The following ALG9 variants were observed in gnomAD, a reference collection of about 807,000 sequenced individuals.
ALG9 encodes the protein ALG9 alpha-1,2-mannosyltransferase.
ALG9 carries 55 observed loss-of-function variants against 81.8 expected under a neutral mutation model. The observed-to-expected ratio is 0.67, with a 90% CI of 0.54 to 0.84. The LOEUF is 0.84. Among genes scored for constraint, ALG9 ranks in the 40% least tolerant of loss-of-function variants. ALG9 has a pLI of 0.00. For synonymous variants in ALG9, 278 were observed against 274.3 expected (o/e 1.01, Z -0.13); for missense variants, 629 against 745.0 (o/e 0.84, Z 1.81).
chr11:111,799,210 G>A (rs953382604), intron 14 of ALG9, among the ~76,000 whole-genome samples: 5 of 152,050 alleles, frequency 3.3e-5, no homozygotes, highest in Non-Finnish European at 5.9e-5. Context: ...GCAGTGGTGC[G>A]ATCTCGGCTC....
downstream of ALG9, among the ~76,000 whole-genome samples, chr11:111,777,771 G>A (rs1555055721): frequency 6.6e-6 from 1 of 152,100 alleles, no homozygotes; most frequent in Non-Finnish European, 1.5e-5. Flanking sequence ...TCACTGGCAA[G>A]GAAAAAATGG....
intron 8 of ALG9, 66 bp downstream of exon 8, chr11:111,853,314 A>T: frequency 9.2e-7 from 1 of 1,084,284 alleles, no homozygotes; most frequent in Non-Finnish European, 1.4e-6. Flanking sequence ...CAACTGAATT[A>T]AAATGCTGAA....
At chr11:111,812,840 C>T (rs1438042352) in intron 13 of ALG9, among the ~76,000 whole-genome samples, 2 of 143,538 alleles carry the variant, frequency 1.4e-5, no homozygotes, top group African/African-American at 2.7e-5. Flanking sequence ...TTCTTTGAAC[C>T]CCGGAGGCAG....
At chr11:111,866,721 C>A (rs6589250) in intron 3 of ALG9, among the ~76,000 whole-genome samples, 3 of 150,980 alleles carry the variant, frequency 2.0e-5, no homozygotes, top group Non-Finnish European at 1.5e-5. Context: ...AAATAAAAAC[C>A]CTCTGCATAG....
intron 13 of ALG9, among the ~76,000 whole-genome samples, chr11:111,820,783 T>A (rs1039431321): frequency 1.3e-5 from 2 of 152,192 alleles, no homozygotes; most frequent in African/African-American, 4.8e-5. Flanking sequence ...TTTTTTACTA[T>A]AAAAAATACA....
intron 14 of ALG9, among the ~76,000 whole-genome samples, chr11:111,807,743 G>C (rs570243126): frequency 4.1e-4 from 63 of 152,194 alleles, no homozygotes; most frequent in African/African-American, 1.5e-3. Context: ...TGGGGCCGAG[G>C]TCGTGCTACT....
intron 1 of ALG9, chr11:111,870,940 C>T (rs1191709745): frequency 2.0e-6 from 2 of 1,008,966 alleles, no homozygotes; most frequent in Non-Finnish European, 2.4e-6. Context: ...GCAGTTCTAA[C>T]CTGCAGCCTC....
chr11:111,836,014 G>T (rs1955183258), intron 13 of ALG9, 151 bp downstream of exon 13: 2 of 965,964 alleles, frequency 2.1e-6, no homozygotes, highest in Admixed American at 1.9e-5. Context: ...CTCCCAAAGT[G>T]CTGGGATTAC....
chr11:111,870,229 T>C lies in ALG9; in HGVS notation c.270+3A>G. 3.1e-6 allele frequency: 5 copies of C among 1,608,098 alleles called. No individual in the cohort carries two copies. Among genetic ancestry groups the C allele is most frequent in the Non-Finnish European group, 4.2e-6 (5 of 1,178,414 alleles). The stretch of plus-strand genomic sequence containing the variant: ...AAAAGAGAAAACTAAAGAAATCACC[T>C]ACTGGCTCCCAGTAGTTGAATGTTT... On this transcript the variant is annotated splice_donor_region_variant and intron_variant, in intron 2 of 14. Coordinates refer to ENST00000616540, the MANE Select transcript of ALG9 (RefSeq NM_024740.2).
At chr11:111,793,381 T>C (rs542333795) in intron 14 of ALG9, among the ~76,000 whole-genome samples, 2 of 152,336 alleles carry the variant, frequency 1.3e-5, no homozygotes, top group Admixed American at 6.5e-5. Flanking sequence ...AAAGCTTTAA[T>C]ATACTAAGCA....
chr11:111,852,559 T>C (rs1957994635), intron 8 of ALG9, among the ~76,000 whole-genome samples: 1 of 152,208 alleles, frequency 6.6e-6, no homozygotes, highest in South Asian at 2.1e-4. Context: ...GTCTACAGAT[T>C]TTCCAAACTT....
At chr11:111,852,488 G>A (rs1302422002) in intron 8 of ALG9, among the ~76,000 whole-genome samples, 2 of 152,148 alleles carry the variant, frequency 1.3e-5, no homozygotes, top group Non-Finnish European at 2.9e-5. Context: ...TTAACCCTAA[G>A]CTGGTCAACT....
chr11:111,772,254 C>T, the ALG9 span, among the ~76,000 whole-genome samples: 1 of 152,156 alleles, frequency 6.6e-6, no homozygotes, highest in Non-Finnish European at 1.5e-5. Flanking sequence ...GGTAAAACCT[C>T]ATCTCTACAA....
chr11:111,838,185 ATC>A, intron 11 of ALG9, 62 bp downstream of exon 11: 2 of 1,591,680 alleles, frequency 1.3e-6, no homozygotes, highest in East Asian at 4.5e-5. Flanking sequence ...ATAATCATGA[ATC>A]AAGTAAAACC....
Position 111,817,063 on chromosome 11 carries a change from G to C in ALG9, c.1603-7290C>G, listed in dbSNP as rs953311304. ...CATAAAGGAGCATGGTTGACAGGGG[G>C]AAGAGGAAGAATATCTACCTGTCCC... On this transcript the variant is annotated intron_variant, in intron 13 of 14. Transcript: ENST00000616540. Among the ~76,000 whole-genome samples, 4 of 152,194 alleles carry C rather than the reference G, an allele frequency of 2.6e-5. No individual in the cohort carries two copies. In the East Asian group the frequency reaches 7.7e-4, roughly 29 times the overall value.
chr11:111,837,628 A>C lies in ALG9; in HGVS notation c.1325-13T>G, dbSNP rs1555118924. 2 of 1,613,706 alleles carry C rather than the reference A, an allele frequency of 1.2e-6. No homozygotes were observed. The highest frequency in any genetic ancestry group is 3.3e-5 in the Admixed American group (2 of 59,988). On this transcript the variant is annotated splice_polypyrimidine_tract_variant and intron_variant, in intron 11 of 14. Coordinates refer to ENST00000616540, the MANE Select transcript of ALG9 (RefSeq NM_024740.2). The stretch of plus-strand genomic sequence containing the variant: ...GGCCCGTGATATCCTGGAAGGGAGA[A>C]CAGTTAGTGAGAGCCAGAGATGAGT...
chr11:111,809,909 G>T, intron 13 of ALG9, 136 bp from the exon 14 acceptor site: 1 of 979,270 alleles, frequency 1.0e-6, no homozygotes, highest in Non-Finnish European at 1.6e-6. Context: ...TGTTGCCTAT[G>T]CTCTCTCCAC....
chr11:111,780,351 T>C (rs2136149953), downstream of ALG9, among the ~76,000 whole-genome samples: 1 of 152,224 alleles, frequency 6.6e-6, no homozygotes, highest in South Asian at 2.1e-4. Flanking sequence ...TTGCCCTTTT[T>C]GAGTACTACA....
intron 8 of ALG9, 56 bp from the exon 9 acceptor site, chr11:111,844,779 G>A (rs1221149698): frequency 2.5e-5 from 40 of 1,577,214 alleles, no homozygotes; most frequent in Admixed American, 3.3e-5. Flanking sequence ...CACCTATTAC[G>A]GTGCTTGACA....
Sources: allele counts gnomAD v4.1 joint callset (sites outside exome capture counted in the v4.1 genomes callset), GRCh38; gene constraint gnomAD v4.1.1; transcripts MANE v1.5; gene names NCBI Gene and HGNC (gene_info 2026-07-23, HGNC 2026-07-21).